The following KCNB2 variants were observed in gnomAD, a reference collection of about 807,000 sequenced individuals.
KCNB2 encodes delayed rectifier potassium channel protein.
A neutral mutation model predicts 61.5 loss-of-function variants in KCNB2; 15 were observed. That is an observed-to-expected ratio of 0.24 (90% CI 0.16 to 0.38). The LOEUF is 0.38. KCNB2 is among the 10% of genes least tolerant of loss of function. The pLI is 1.00. For synonymous variants in KCNB2, 457 were observed against 446.0 expected (o/e 1.02, Z -0.31); for missense variants, 828 against 1,125.2 (o/e 0.74, Z 3.78).
intron 2 of KCNB2, among the ~76,000 whole-genome samples, chr8:72,755,127 T>G (rs1808266860): frequency 6.6e-6 from 1 of 152,142 alleles, no homozygotes; most frequent in Non-Finnish European, 1.5e-5. Context: ...AGATTTCAAT[T>G]GAGGGGTGTT....
chr8:72,621,815 A>AC (rs1354526563), intron 2 of KCNB2, among the ~76,000 whole-genome samples: 1 of 152,226 alleles, frequency 6.6e-6, no homozygotes, highest in African/African-American at 2.4e-5. Context: ...GCATGATTTC[A>AC]CTATCCTTTG....
At chr8:72,565,274 T>C (rs996533290) in intron 1 of KCNB2, among the ~76,000 whole-genome samples, 2 of 152,210 alleles carry the variant, frequency 1.3e-5, no homozygotes, top group African/African-American at 4.8e-5. Flanking sequence ...CCTTGACTTA[T>C]ATTCATTCAA....
chr8:72,721,756 G>T (rs1037883564), intron 2 of KCNB2, among the ~76,000 whole-genome samples: 1 of 152,158 alleles, frequency 6.6e-6, no homozygotes, highest in African/African-American at 2.4e-5. Flanking sequence ...TGTGTGGCTT[G>T]AAGTTCCTTG....
intron 2 of KCNB2, among the ~76,000 whole-genome samples, chr8:72,575,737 A>T (rs1806784843): frequency 6.6e-6 from 1 of 152,228 alleles, no homozygotes; most frequent in Non-Finnish European, 1.5e-5. Context: ...TATTCAAGTA[A>T]AATTTAAAAT....
In KCNB2 at chr8:72,537,260, G is replaced by A. The variant is rs1338142069; in HGVS notation, c.-719G>A. ...GTGCGCGCCGGGCCGGCTAGCTGCGGGGCGGGGGAGCGGCGCCCCAGAGCG... is the reference window on the plus strand; with the variant it reads ...GTGCGCGCCGGGCCGGCTAGCTGCGAGGCGGGGGAGCGGCGCCCCAGAGCG... On this transcript the variant is annotated 5_prime_UTR_variant, in exon 1 of 3. Transcript: ENST00000523207. 6.6e-6 allele frequency: 1 copy of A among 151,542 alleles called. No homozygotes were observed. The highest frequency in any genetic ancestry group is 2.0e-4 in the East Asian group (1 of 5,110). 9.4% of individuals were successfully genotyped at this position (151,542 alleles called of 1,614,324 possible).
intron 2 of KCNB2, among the ~76,000 whole-genome samples, chr8:72,803,672 T>G (rs917827805): frequency 6.6e-6 from 1 of 152,178 alleles, no homozygotes; most frequent in Non-Finnish European, 1.5e-5. Flanking sequence ...GAAAGTGACA[T>G]AAGAATTTAG....
intron 2 of KCNB2, among the ~76,000 whole-genome samples, chr8:72,652,875 C>T (rs1182252251): frequency 6.6e-6 from 1 of 152,096 alleles, no homozygotes; most frequent in Non-Finnish European, 1.5e-5. Context: ...AATTTATTCT[C>T]CAACAGTTGT....
chr8:72,622,607 G>A lies in KCNB2; in HGVS notation c.579+54294G>A, dbSNP rs73688723. ...AAATTAAAAAAAAGAATGGAATGAAGAAGGATGTGAATAATCTAGATAATT... is the reference window on the plus strand; with the variant it reads ...AAATTAAAAAAAAGAATGGAATGAAAAAGGATGTGAATAATCTAGATAATT... On this transcript the variant is annotated intron_variant, in intron 2 of 2. Coordinates refer to ENST00000523207, the MANE Select transcript of KCNB2 (RefSeq NM_004770.3). Among the ~76,000 whole-genome samples, 369 of 152,254 alleles carry A rather than the reference G, an allele frequency of 2.4e-3. 1 individual carries two copies. Among genetic ancestry groups the A allele is most frequent in the African/African-American group, 8.5e-3 (352 of 41,544 alleles).
chr8:72,911,330 A>G (rs75820456), intron 2 of KCNB2, among the ~76,000 whole-genome samples: 4,003 of 152,354 alleles, frequency 0.026, 145 homozygotes, highest in African/African-American at 0.088. Flanking sequence ...GACATTTTAC[A>G]TGATCTGTGT....
At chr8:72,914,723 ATTG>A (rs1806360198) in intron 2 of KCNB2, among the ~76,000 whole-genome samples, 2 of 152,232 alleles carry the variant, frequency 1.3e-5, no homozygotes, top group South Asian at 4.1e-4. Flanking sequence ...TCAGCCAACT[ATTG>A]AGATACAGAC....
chr8:72,850,242 T>TA (rs1420521233), intron 2 of KCNB2, among the ~76,000 whole-genome samples: 2 of 139,504 alleles, frequency 1.4e-5, no homozygotes, highest in East Asian at 4.1e-4. Context: ...TGTGTGTAAA[T>TA]AGAGTCTCAC....
chr8:72,903,220 C>A (rs1275556916), intron 2 of KCNB2, among the ~76,000 whole-genome samples: 1 of 152,082 alleles, frequency 6.6e-6, no homozygotes, highest in African/African-American at 2.4e-5. Context: ...GAGAGGTGAT[C>A]CCTGGTAGCA....
chr8:72,654,604 G>A (rs577171445), intron 2 of KCNB2, among the ~76,000 whole-genome samples: 130 of 152,098 alleles, frequency 8.5e-4, no homozygotes, highest in African/African-American at 3.0e-3. Flanking sequence ...TAGGTACATG[G>A]GTTTTCTTAA....
chr8:72,933,169 A>G (rs774105531), intron 2 of KCNB2, among the ~76,000 whole-genome samples: 9 of 152,200 alleles, frequency 5.9e-5, no homozygotes, highest in Non-Finnish European at 1.2e-4. Context: ...CCTGTTCTGC[A>G]TATGCTAAAT....
intron 2 of KCNB2, among the ~76,000 whole-genome samples, chr8:72,886,897 A>G (rs1805815920): frequency 6.6e-6 from 1 of 152,238 alleles, no homozygotes; most frequent in Admixed American, 6.5e-5. Context: ...AGGTCACATT[A>G]AACAATCGCT....
chr8:72,699,816 A>G (rs1282211362), intron 2 of KCNB2, among the ~76,000 whole-genome samples: 1 of 152,144 alleles, frequency 6.6e-6, no homozygotes, highest in Non-Finnish European at 1.5e-5. Context: ...AACCCGAAAT[A>G]CCATTTGACC....
chr8:72,920,431 C>A (rs1806487629), intron 2 of KCNB2, among the ~76,000 whole-genome samples: 1 of 91,392 alleles, frequency 1.1e-5, no homozygotes, highest in South Asian at 3.8e-4. Flanking sequence ...GGCAAAACCC[C>A]CTCTCCACTA....
chr8:72,751,691 A>G (rs1162795744), intron 2 of KCNB2: 2 of 152,194 alleles, frequency 1.3e-5, no homozygotes, highest in African/African-American at 4.8e-5. Context: ...CTAGCTTAGT[A>G]ATGTTTCCAC....
intron 2 of KCNB2, among the ~76,000 whole-genome samples, chr8:72,821,954 G>A (rs75563446): frequency 9.2e-5 from 14 of 152,080 alleles, no homozygotes; most frequent in East Asian, 1.9e-4. Flanking sequence ...AGTGGATTCC[G>A]CCACCTCAAT....
Sources: allele counts gnomAD v4.1 joint callset (sites outside exome capture counted in the v4.1 genomes callset), GRCh38; gene constraint gnomAD v4.1.1; transcripts MANE v1.5; gene names NCBI Gene and HGNC (gene_info 2026-07-23, HGNC 2026-07-21).